Variants in ITFG1 observed in about 807,000 individuals in gnomAD.
ITFG1 encodes the protein integrin alpha FG-GAP repeat containing 1.
A neutral mutation model predicts 81.8 loss-of-function variants in ITFG1; 34 were observed. The ratio of observed to expected loss-of-function variants is 0.42; its 90% CI spans 0.32 to 0.55. ITFG1 has a LOEUF of 0.55. Ranked by LOEUF, ITFG1 falls within the 20% of genes least tolerant of loss-of-function variation. The pLI, the probability that ITFG1 is intolerant of heterozygous loss-of-function variation, is 0.17. For missense variants in ITFG1, 672 were observed against 755.4 expected, an observed-to-expected ratio of 0.89 and a Z score of 1.29; for synonymous variants, 285 against 270.6, an observed-to-expected ratio of 1.05 and a Z score of -0.52.
intron 8 of ITFG1, among the ~76,000 whole-genome samples, chr16:47,343,524 C>T (rs1967811857): frequency 6.6e-6 from 1 of 151,638 alleles, no homozygotes; most frequent in African/African-American, 2.4e-5. Flanking sequence ...GACAAACCAC[C>T]CAGTTAAAAA....
At chr16:47,447,161 C>T (rs895648055) in intron 5 of ITFG1, among the ~76,000 whole-genome samples, 2 of 152,092 alleles carry the variant, frequency 1.3e-5, no homozygotes, top group Admixed American at 6.6e-5. Flanking sequence ...AGTCACTGCC[C>T]CTAGCCTATA....
chr16:47,207,655 A>G (rs937624429), intron 14 of ITFG1, among the ~76,000 whole-genome samples: 1 of 152,220 alleles, frequency 6.6e-6, no homozygotes, highest in Non-Finnish European at 1.5e-5. Context: ...TAACAGATGC[A>G]GAGTTAAGAA....
chr16:47,253,829 G>T (rs562281566), intron 12 of ITFG1, among the ~76,000 whole-genome samples: 11 of 152,112 alleles, frequency 7.2e-5, no homozygotes, highest in Non-Finnish European at 1.0e-4. Context: ...CCCTCCGGCC[G>T]TTCACCTCCT....
At chr16:47,321,794 A>G (rs1967452611) in intron 8 of ITFG1, among the ~76,000 whole-genome samples, 1 of 152,220 alleles carries the variant, frequency 6.6e-6, no homozygotes, top group Non-Finnish European at 1.5e-5. Context: ...AAAATTAAGA[A>G]TTTTAAAATA....
intron 13 of ITFG1, among the ~76,000 whole-genome samples, chr16:47,234,884 C>G (rs1965856687): frequency 6.6e-6 from 1 of 152,122 alleles, no homozygotes; most frequent in Non-Finnish European, 1.5e-5. Flanking sequence ...CCATGGTGTT[C>G]TAGTGACAGT....
At chr16:47,157,931 A>G (rs1366535415) in intron 17 of ITFG1, among the ~76,000 whole-genome samples, 1 of 152,228 alleles carries the variant, frequency 6.6e-6, no homozygotes, top group African/African-American at 2.4e-5. Flanking sequence ...GCTTTTTCAC[A>G]TATATCTAAA....
chr16:47,262,050 A>T (rs1966214879), intron 10 of ITFG1, among the ~76,000 whole-genome samples: 2 of 152,258 alleles, frequency 1.3e-5, no homozygotes, highest in African/African-American at 4.8e-5. Context: ...GCTCTGGGTG[A>T]GTTTGATTAT....
chr16:47,374,811 C>T (rs546244976), intron 7 of ITFG1, among the ~76,000 whole-genome samples: 5 of 152,146 alleles, frequency 3.3e-5, no homozygotes, highest in Non-Finnish European at 7.4e-5. Flanking sequence ...TAGAAGTAGT[C>T]GGAAGCTCTG....
At chr16:47,287,701 G>T (rs1003101896) in intron 10 of ITFG1, among the ~76,000 whole-genome samples, 1 of 152,058 alleles carries the variant, frequency 6.6e-6, no homozygotes, top group Non-Finnish European at 1.5e-5. Flanking sequence ...CCATACCAGG[G>T]TTGTCTGTTT....
intron 6 of ITFG1, among the ~76,000 whole-genome samples, chr16:47,399,451 T>G (rs1968632408): frequency 6.6e-6 from 1 of 152,078 alleles, no homozygotes; most frequent in Non-Finnish European, 1.5e-5. Context: ...CGGGCATCTG[T>G]AGTCCCAGCT....
At chr16:47,432,704 C>T (rs751143456) in intron 5 of ITFG1, among the ~76,000 whole-genome samples, 5 of 152,266 alleles carry the variant, frequency 3.3e-5, no homozygotes, top group South Asian at 4.1e-4. Context: ...AGGTAATTCA[C>T]GCCAAGCAAC....
At chr16:47,194,699 A>C (rs1965335278) in intron 14 of ITFG1, among the ~76,000 whole-genome samples, 1 of 151,674 alleles carries the variant, frequency 6.6e-6, no homozygotes, top group Non-Finnish European at 1.5e-5. Context: ...TACTTTTTCT[A>C]CTTAATATAT....
intron 14 of ITFG1, among the ~76,000 whole-genome samples, chr16:47,167,552 A>C (rs1596779434): frequency 6.9e-6 from 1 of 145,500 alleles, no homozygotes. Context: ...TGCGACCCCC[A>C]CTCCTGCCCG....
chr16:47,364,092 T>C (rs1190132847), intron 8 of ITFG1, among the ~76,000 whole-genome samples: 1 of 152,206 alleles, frequency 6.6e-6, no homozygotes, highest in Non-Finnish European at 1.5e-5. Context: ...TGCATATTTT[T>C]GATATGTTAA....
intron 8 of ITFG1, among the ~76,000 whole-genome samples, chr16:47,340,188 T>G (rs1474406908): frequency 2.6e-5 from 4 of 152,004 alleles, no homozygotes; most frequent in African/African-American, 9.7e-5. Context: ...CTATCAGACC[T>G]GCTATATGAG....
At chr16:47,438,793 G>A (rs1489276736) in intron 5 of ITFG1, among the ~76,000 whole-genome samples, 1 of 152,190 alleles carries the variant, frequency 6.6e-6, no homozygotes, top group Non-Finnish European at 1.5e-5. Flanking sequence ...CTCCTCCAAA[G>A]GAATGCAGCT....
intron 8 of ITFG1, among the ~76,000 whole-genome samples, chr16:47,326,589 C>G (rs1023431974): frequency 6.6e-6 from 1 of 152,146 alleles, no homozygotes; most frequent in Non-Finnish European, 1.5e-5. Flanking sequence ...CGTCTCAGCA[C>G]AAAATCTCCT....
intron 6 of ITFG1, among the ~76,000 whole-genome samples, chr16:47,390,776 A>G (rs1968520698): frequency 6.6e-6 from 1 of 152,040 alleles, no homozygotes; most frequent in African/African-American, 2.4e-5. Flanking sequence ...GCTTATTAAC[A>G]GAAATATTTT....
At chr16:47,189,629 T>C (rs1965268386) in intron 14 of ITFG1, among the ~76,000 whole-genome samples, 1 of 152,210 alleles carries the variant, frequency 6.6e-6, no homozygotes, top group Non-Finnish European at 1.5e-5. Context: ...CTGTTTCCAC[T>C]TTCTGGGGGA....
Sources: allele counts gnomAD v4.1 joint callset (sites outside exome capture counted in the v4.1 genomes callset), GRCh38; gene constraint gnomAD v4.1.1; transcripts MANE v1.5; gene names NCBI Gene and HGNC (gene_info 2026-07-23, HGNC 2026-07-21).